BTG4: variants seen among roughly 807,000 people sequenced by gnomAD.
BTG4 encodes BTG anti-proliferation factor 4.
A neutral mutation model predicts 19.3 loss-of-function variants in BTG4; 10 were observed. The ratio of observed to expected loss-of-function variants is 0.52; its 90% confidence interval spans 0.32 to 0.88. BTG4 has a LOEUF of 0.88. Ranked by LOEUF, BTG4 falls within the 40% of genes least tolerant of loss-of-function variation. The probability of loss-of-function intolerance (pLI) is 0.04; values close to 1 mark genes in which losing one functional copy is unlikely to be tolerated. For synonymous variants in BTG4, 91 were observed against 95.7 expected (o/e 0.95, Z 0.29); for missense variants, 238 against 281.9 (o/e 0.84, Z 1.11).
chr11:111,390,042 T>A, the BTG4 span, among the ~76,000 whole-genome samples: 1 of 152,196 alleles, frequency 6.6e-6, no homozygotes, highest in Non-Finnish European at 1.5e-5. Flanking sequence ...ATTTTACATA[T>A]GAGGAAACAC....
intron 1 of BTG4, among the ~76,000 whole-genome samples, chr11:111,504,940 C>T (rs530622112): frequency 6.6e-6 from 1 of 152,036 alleles, no homozygotes; most frequent in South Asian, 2.1e-4. Context: ...ACAAGGAGAA[C>T]TACAAAACAC....
At chr11:111,459,162 A>T in the BTG4 span, among the ~76,000 whole-genome samples, 4 of 152,114 alleles carry the variant, frequency 2.6e-5, no homozygotes, top group African/African-American at 9.7e-5. Flanking sequence ...GAATCGCTTG[A>T]ATCCAGGAGG....
At chr11:111,440,215 C>A in the BTG4 span, among the ~76,000 whole-genome samples, 1 of 152,218 alleles carries the variant, frequency 6.6e-6, no homozygotes, top group Non-Finnish European at 1.5e-5. Context: ...CAGATCAAGG[C>A]TCCCAGAGAG....
chr11:111,414,540 G>C, the BTG4 span: 3 of 152,162 alleles, frequency 2.0e-5, no homozygotes, highest in African/African-American at 7.2e-5. Flanking sequence ...GTTCTCGTCC[G>C]GGCAGCTGTT....
chr11:111,494,632 A>G (rs1865607957), downstream of BTG4, among the ~76,000 whole-genome samples: 1 of 152,166 alleles, frequency 6.6e-6, no homozygotes, highest in Admixed American at 6.5e-5. Context: ...TGAGGGGAGA[A>G]AGAATGAATG....
the BTG4 span, among the ~76,000 whole-genome samples, chr11:111,405,489 T>G: frequency 2.8e-5 from 4 of 144,920 alleles, no homozygotes; most frequent in African/African-American, 1.0e-4. Context: ...GGCCTCGCAC[T>G]GAGAACAAAA....
At chr11:111,455,688 A>T in the BTG4 span, 1 of 398,552 alleles carries the variant, frequency 2.5e-6, no homozygotes, top group South Asian at 1.8e-5. Context: ...ATGTGGCTGC[A>T]GGGGGTCCCG....
At chr11:111,445,627 G>A in the BTG4 span, among the ~76,000 whole-genome samples, 3 of 152,150 alleles carry the variant, frequency 2.0e-5, no homozygotes, top group Non-Finnish European at 2.9e-5. Flanking sequence ...TCAAAGCAGA[G>A]AACAATTGTT....
chr11:111,481,227 C>T (rs1202633551), intron 5 of BTG4, among the ~76,000 whole-genome samples: 1 of 151,834 alleles, frequency 6.6e-6, no homozygotes, highest in Admixed American at 6.6e-5. Flanking sequence ...AGTATTACAA[C>T]TCACCCAATA....
chr11:111,485,356 CACAAA>C (rs1864994062), intron 5 of BTG4, among the ~76,000 whole-genome samples: 1 of 152,082 alleles, frequency 6.6e-6, no homozygotes, highest in Non-Finnish European at 1.5e-5. Flanking sequence ...TATGTTAGGC[CACAAA>C]ACAAGTCTCA....
Position 111,495,094 on chromosome 11 carries a change from A to C in BTG4, c.*41T>G. ...TTTTTATTTTAGAGAGAATAAAGGC[A>C]CTCCTCTGAGCTCTTGCCCACCACG... On this transcript the variant is annotated 3_prime_UTR_variant, in exon 5 of 5. Coordinates refer to ENST00000692032, the MANE Select transcript of BTG4 (RefSeq NM_001367975.1). 2 of 1,472,120 alleles carry C rather than the reference A, an allele frequency of 1.4e-6. No homozygotes were observed. The highest frequency in any genetic ancestry group is 1.8e-6 in the Non-Finnish European group (2 of 1,114,148). The allele number at this position is 1,472,120 out of a possible 1,614,324, so 91.2% of individuals were successfully genotyped here. A position where few individuals can be genotyped will look rare whatever the true frequency, so the allele number is the denominator to read the frequency against.
chr11:111,437,820 C>G, the BTG4 span, among the ~76,000 whole-genome samples: 3 of 152,294 alleles, frequency 2.0e-5, no homozygotes, highest in South Asian at 2.1e-4. Flanking sequence ...GATAGCTTAG[C>G]TACTCAGCCT....
At chr11:111,427,700 C>G in the BTG4 span, among the ~76,000 whole-genome samples, 1 of 152,116 alleles carries the variant, frequency 6.6e-6, no homozygotes, top group South Asian at 2.1e-4. Context: ...TAGAGGGATA[C>G]TCTGGCAGCT....
the BTG4 span, among the ~76,000 whole-genome samples, chr11:111,403,381 A>G: frequency 3.3e-5 from 5 of 152,204 alleles, no homozygotes; most frequent in Non-Finnish European, 7.4e-5. Context: ...TCCCTTCACC[A>G]TGACACTGTA....
At chr11:111,491,455 T>A (rs1865410834), downstream of BTG4, among the ~76,000 whole-genome samples, 1 of 152,184 alleles carries the variant, frequency 6.6e-6, no homozygotes, top group African/African-American at 2.4e-5. Flanking sequence ...AAAATTTTTT[T>A]AAAAAGAGAA....
chr11:111,477,978 C>T (rs1864495799), intron 5 of BTG4, among the ~76,000 whole-genome samples: 1 of 152,060 alleles, frequency 6.6e-6, no homozygotes, highest in Admixed American at 6.6e-5. Flanking sequence ...GACGACCGAG[C>T]AGAGAACTGG....
At chr11:111,425,930 C>T in the BTG4 span, among the ~76,000 whole-genome samples, 3 of 152,044 alleles carry the variant, frequency 2.0e-5, no homozygotes, top group Non-Finnish European at 4.4e-5. Flanking sequence ...ACTCGGGAGG[C>T]TGAGGTGGGA....
chr11:111,484,010 T>C (rs1294791422), intron 5 of BTG4, among the ~76,000 whole-genome samples: 1 of 152,144 alleles, frequency 6.6e-6, no homozygotes, highest in Non-Finnish European at 1.5e-5. Flanking sequence ...AAAGGATCTC[T>C]GGTATATCTG....
chr11:111,384,408 T>C, the BTG4 span, among the ~76,000 whole-genome samples: 1 of 152,184 alleles, frequency 6.6e-6, no homozygotes, highest in East Asian at 1.9e-4. Flanking sequence ...AATGAAACTT[T>C]AAAACAACTA....
Sources: gnomAD v4.1 joint callset for allele counts (sites outside exome capture counted in the v4.1 genomes callset) on GRCh38, gnomAD v4.1.1 for gene constraint, MANE v1.5 for transcripts, NCBI Gene and HGNC (gene_info 2026-07-23, HGNC 2026-07-21) for gene names.